AP1G1: variants seen among roughly 807,000 people sequenced by gnomAD.
The protein encoded by AP1G1 is adaptor related protein complex 1 subunit gamma 1.
AP1G1 carries 7 observed loss-of-function variants against 108.3 expected under a neutral mutation model. The observed-to-expected ratio is 0.06, with a 90% CI of 0.04 to 0.12. The LOEUF (loss-of-function observed/expected upper bound fraction) is 0.12, where lower values mean the gene tolerates loss of function less well. Ranked by LOEUF, AP1G1 falls within the 10% of genes least tolerant of loss-of-function variation. The probability of loss-of-function intolerance (pLI) is 1.00; values close to 1 mark genes in which losing one functional copy is unlikely to be tolerated. For synonymous variants in AP1G1, 379 were observed against 353.5 expected (o/e 1.07, Z -0.81); for missense variants, 756 against 1,010.7 (o/e 0.75, Z 3.42).
chr16:71,764,745 G>A lies in AP1G1; in HGVS notation c.739-19C>T, dbSNP rs1221204097. The stretch of plus-strand genomic sequence containing the variant: ...TTCGTACCTAACGTGCAAAAGATGA[G>A]AGGTGTCAACAAATTATGTCTCACA... On this transcript the variant is annotated intron_variant, in intron 7 of 22. Transcript: ENST00000299980. 1 of 1,534,830 alleles carries A rather than the reference G, an allele frequency of 6.5e-7. No homozygotes were observed. Among genetic ancestry groups the A allele is most frequent in the East Asian group, 2.3e-5 (1 of 44,248 alleles).
In AP1G1 at chr16:71,732,522, G is replaced by A. The variant is rs1399669375; in HGVS notation, c.*536C>T. 6.5e-6 allele frequency: 1 copy of A among 153,090 alleles called. No individual in the cohort carries two copies. The highest frequency in any genetic ancestry group is 2.4e-5 in the African/African-American group (1 of 41,442). The allele number at this position is 153,090 out of a possible 1,614,324, so 9.5% of individuals were successfully genotyped here. On this transcript the variant is annotated 3_prime_UTR_variant, in exon 23 of 23. Transcript: ENST00000299980. ...CCTCTTTCAAACATTGGGGGAACCA[G>A]TAGAAAAAGGCAGGGCTCCCTAATG...
intron 2 of AP1G1, among the ~76,000 whole-genome samples, chr16:71,780,063 G>A (rs1482947911): frequency 1.4e-5 from 2 of 146,136 alleles, no homozygotes; most frequent in South Asian, 2.1e-4. Flanking sequence ...GTGCGATCTC[G>A]GCTCACTGCA....
chr16:71,794,866 C>CTTTTTTTTTTTTTTTTTTTT (rs2032528877), intron 1 of AP1G1, among the ~76,000 whole-genome samples: 60 of 46,614 alleles, frequency 1.3e-3, no homozygotes, highest in Non-Finnish European at 1.5e-3. Flanking sequence ...TTTTTTTTTA[C>CTTTTTTTTTTTTTTTTTTTT]TTTGAAATGC....
rs143494536 is a variant in AP1G1, at chr16:71,805,341, G to A, written c.-4+3422C>T. 9.6e-3 allele frequency among the ~76,000 whole-genome samples: 1,461 copies of A among 151,658 alleles called. 24 individuals carry two copies. The highest frequency in any genetic ancestry group is 0.032 in the African/African-American group (1,328 of 41,340). Reference sequence around the variant, plus strand: ...CGCACGCTTGTAATCCCAGCTACTCGGGAGGCTGAGGCAGCAGAAATCACT... The same window carrying A: ...CGCACGCTTGTAATCCCAGCTACTCAGGAGGCTGAGGCAGCAGAAATCACT... On this transcript the variant is annotated intron_variant, in intron 1 of 22. Transcript: ENST00000299980.
chr16:71,764,558 C>A, intron 8 of AP1G1, 88 bp downstream of exon 8: 2 of 1,272,718 alleles, frequency 1.6e-6, no homozygotes, highest in South Asian at 1.5e-5. Flanking sequence ...TGAGGAAACA[C>A]AAATAAAAAC....
intron 1 of AP1G1, among the ~76,000 whole-genome samples, chr16:71,803,111 A>AACCCAG (rs1269055218): frequency 3.3e-4 from 50 of 151,774 alleles, no homozygotes; most frequent in Middle Eastern, 3.4e-3. Context: ...GCTACTCGGG[A>AACCCAG]GGCTGAGCAC....
chr16:71,739,457 G>A lies in AP1G1; in HGVS notation c.2000-116C>T. The A allele has an allele frequency of 9.2e-6, 7 of 764,208 alleles. No individual in the cohort carries two copies. In the South Asian group the frequency reaches 1.5e-4, roughly 17 times the overall value. 47.3% of individuals were successfully genotyped at this position (764,208 alleles called of 1,614,324 possible). A position where few individuals can be genotyped will look rare whatever the true frequency, so the allele number is the denominator to read the frequency against. On this transcript the variant is annotated intron_variant, in intron 19 of 22. Transcript: ENST00000299980. ...TAAGGAAAGATTCCTTAAACAAGATGCAAAAAGCATAGACCACAAAGAGAA... is the reference window on the plus strand; with the variant it reads ...TAAGGAAAGATTCCTTAAACAAGATACAAAAAGCATAGACCACAAAGAGAA...
At chr16:71,761,684 A>T (rs945525483) in intron 9 of AP1G1, 117 bp from the exon 10 acceptor site, 5 of 781,846 alleles carry the variant, frequency 6.4e-6, no homozygotes, top group African/African-American at 1.8e-5. Context: ...CAAAAAAAAA[A>T]AGGAGCTGGG....
At chr16:71,758,151 G>A (rs1185953003) in intron 11 of AP1G1, among the ~76,000 whole-genome samples, 1 of 152,218 alleles carries the variant, frequency 6.6e-6, no homozygotes, top group Admixed American at 6.5e-5. Flanking sequence ...AATGGTTTCA[G>A]AGATCACTTT....
At chr16:71,768,937 AAAAG>A (rs2031446000) in intron 6 of AP1G1, among the ~76,000 whole-genome samples, 5 of 139,558 alleles carry the variant, frequency 3.6e-5, no homozygotes, top group Non-Finnish European at 6.2e-5. Flanking sequence ...AAAAAAAAAA[AAAAG>A]AAAAGAAAAG....
intron 2 of AP1G1, among the ~76,000 whole-genome samples, chr16:71,785,190 AAG>A (rs1360402764): frequency 1.4e-4 from 21 of 151,894 alleles, no homozygotes; most frequent in Non-Finnish European, 7.4e-5. Flanking sequence ...AAGAAAAAAA[AAG>A]AAATAGCTGA....
intron 1 of AP1G1, among the ~76,000 whole-genome samples, chr16:71,792,836 G>C (rs987038889): frequency 6.6e-6 from 1 of 151,670 alleles, no homozygotes; most frequent in Admixed American, 6.6e-5. Flanking sequence ...CCAGGGTGAC[G>C]GAGCGAGACT....
At chr16:71,758,385 G>A (rs140582999) in intron 11 of AP1G1, 150 of 517,310 alleles carry the variant, frequency 2.9e-4, no homozygotes, top group African/African-American at 2.2e-3. Context: ...ATCCTGGGGC[G>A]TAAGTACTGT....
intron 10 of AP1G1, among the ~76,000 whole-genome samples, chr16:71,760,763 G>C (rs1048313535): frequency 1.1e-4 from 16 of 151,996 alleles, no homozygotes; most frequent in African/African-American, 3.1e-4. Flanking sequence ...TGCCCAGGCT[G>C]GTCTCGAACT....
chr16:71,800,372 CA>C (rs1204514110), intron 1 of AP1G1, among the ~76,000 whole-genome samples: 6,679 of 62,638 alleles, frequency 0.11, 580 homozygotes, highest in African/African-American at 0.27. Context: ...CTCCCCATCT[CA>C]AAAAAAAAAA....
intron 2 of AP1G1, among the ~76,000 whole-genome samples, chr16:71,786,402 G>GT (rs1477754696): frequency 2.6e-5 from 4 of 152,052 alleles, no homozygotes; most frequent in Non-Finnish European, 4.4e-5. Context: ...GAGGCCCAAA[G>GT]ATCACTTGAG....
At chr16:71,806,794 C>T (rs1419944919) in intron 1 of AP1G1, 2 of 1,029,500 alleles carry the variant, frequency 1.9e-6, no homozygotes, top group Non-Finnish European at 2.6e-6. Context: ...CTAATAGTAA[C>T]TAATATATTT....
chr16:71,735,902 G>A (rs1369391498), intron 21 of AP1G1, among the ~76,000 whole-genome samples: 1 of 150,750 alleles, frequency 6.6e-6, no homozygotes, highest in African/African-American at 2.4e-5. Context: ...AGGCCAAGGC[G>A]GGCAGATCAC....
At chr16:71,735,655 C>CAA (rs57116084) in intron 21 of AP1G1, among the ~76,000 whole-genome samples, 1 of 121,650 alleles carries the variant, frequency 8.2e-6, no homozygotes. Context: ...GACTCCGTCT[C>CAA]AAAAAAAAAA....
Sources: allele counts gnomAD v4.1 joint callset (sites outside exome capture counted in the v4.1 genomes callset), GRCh38; gene constraint gnomAD v4.1.1; transcripts MANE v1.5; gene names NCBI Gene and HGNC (gene_info 2026-07-23, HGNC 2026-07-21).